The following MRC1 variants were observed in gnomAD, a reference collection of about 807,000 sequenced individuals.
MRC1 encodes the protein macrophage mannose receptor 1.
In MRC1, 62 loss-of-function variants were observed where a neutral mutation model predicts 102.9. The ratio of observed to expected loss-of-function variants is 0.60; its 90% CI spans 0.49 to 0.74. The LOEUF (loss-of-function observed/expected upper bound fraction) is 0.74. Among genes scored for constraint, MRC1 ranks in the 30% least tolerant of loss-of-function variants. MRC1 has a pLI of 0.00. For missense variants in MRC1, 1,237 were observed against 862.8 expected (o/e 1.43, Z -5.43); for synonymous variants, 457 against 298.4 (o/e 1.53, Z -5.48).
At chr10:17,877,083 G>A (rs1833446998) in intron 17 of MRC1, among the ~76,000 whole-genome samples, 1 of 149,238 alleles carries the variant, frequency 6.7e-6, no homozygotes, top group African/African-American at 2.4e-5. Context: ...TATATATTAT[G>A]TATATATATG....
At chr10:17,878,202 T>C (rs1833463308) in intron 18 of MRC1, among the ~76,000 whole-genome samples, 1 of 152,248 alleles carries the variant, frequency 6.6e-6, no homozygotes, top group Non-Finnish European at 1.5e-5. Context: ...TACACTTTTC[T>C]TTGTTTTCAG....
chr10:17,878,138 C>T (rs1315817743), intron 18 of MRC1, among the ~76,000 whole-genome samples, 171 bp downstream of exon 18: 1 of 152,154 alleles, frequency 6.6e-6, no homozygotes, highest in African/African-American at 2.4e-5. Context: ...TAAATATTTT[C>T]AGCACTATAA....
At chr10:17,855,815 T>C (rs936598348) in intron 8 of MRC1, among the ~76,000 whole-genome samples, 8 of 152,264 alleles carry the variant, frequency 5.3e-5, no homozygotes, top group Admixed American at 5.2e-4. Context: ...CCGTTTTCTC[T>C]CAATAACCTT....
rs1833215508 is a variant in MRC1 at position 17,863,517 on chromosome 10, A to G, written c.1635-17A>G. The G allele has an allele frequency of 9.0e-6, 7 of 780,304 alleles. No homozygotes were observed. The highest frequency in any genetic ancestry group is 6.7e-5 in the South Asian group (5 of 74,384). The allele number at this position is 780,304 out of a possible 1,614,324, so 48.3% of individuals were successfully genotyped here. A position where few individuals can be genotyped will look rare whatever the true frequency, so the allele number is the denominator to read the frequency against. On this transcript the variant is annotated splice_polypyrimidine_tract_variant and intron_variant, in intron 10 of 29. Transcript: ENST00000569591. ...TGTTTCAAAAACTTAATTGAATGTTAATTCTTCTTTTTAAAGATATGAACA... is the reference window on the plus strand; with the variant it reads ...TGTTTCAAAAACTTAATTGAATGTTGATTCTTCTTTTTAAAGATATGAACA...
At chr10:17,831,055 A>ATTTTT (rs34705004) in intron 3 of MRC1, among the ~76,000 whole-genome samples, 1 of 141,928 alleles carries the variant, frequency 7.0e-6, no homozygotes, top group African/African-American at 2.7e-5. Flanking sequence ...TACCTGGGTA[A>ATTTTT]TTTTTTTTTT....
At chr10:17,901,614 G>A (rs1428403453) in intron 25 of MRC1, among the ~76,000 whole-genome samples, 7 of 152,090 alleles carry the variant, frequency 4.6e-5, no homozygotes, top group African/African-American at 7.2e-5. Context: ...ACTTGAATCC[G>A]GGAGGCAGAG....
At chr10:17,846,171 G>C (rs1010253405) in intron 6 of MRC1, among the ~76,000 whole-genome samples, 6 of 151,918 alleles carry the variant, frequency 3.9e-5, no homozygotes, top group African/African-American at 1.5e-4. Context: ...GCCTCCCAAA[G>C]TGCTGGGATT....
chr10:17,889,075 T>TC (rs1833639366), intron 22 of MRC1, among the ~76,000 whole-genome samples: 1 of 152,246 alleles, frequency 6.6e-6, no homozygotes, highest in African/African-American at 2.4e-5. Context: ...CTGAAATTAA[T>TC]ATAGCTGGTC....
In MRC1 at chr10:17,862,773, A is replaced by C. The variant is rs977699386; in HGVS notation, c.1635-761A>C. The C allele has an allele frequency of 4.6e-5, 7 of 152,318 alleles. No homozygotes were observed. In the East Asian group the frequency reaches 1.4e-3, roughly 29 times the overall value. The allele number at this position is 152,318 out of a possible 1,614,324, so 9.4% of individuals were successfully genotyped here. On this transcript the variant is annotated intron_variant, in intron 10 of 29. Transcript: ENST00000569591. The stretch of plus-strand genomic sequence containing the variant: ...TCCTGCTCTCTCTGAAGTCATCTAC[A>C]ACTCTCTCCGTTTCTGGAAACTTCG...
chr10:17,865,699 C>CTAT (rs1490046764), intron 11 of MRC1, among the ~76,000 whole-genome samples: 1 of 152,170 alleles, frequency 6.6e-6, no homozygotes, highest in Non-Finnish European at 1.5e-5. Context: ...CTGTAGTCAT[C>CTAT]TATTCCACAG....
At chr10:17,814,809 C>T (rs1003967008) in intron 1 of MRC1, among the ~76,000 whole-genome samples, 12 of 149,472 alleles carry the variant, frequency 8.0e-5, no homozygotes, top group East Asian at 4.0e-4. Context: ...GGATTATAGG[C>T]GTGCACCACC....
intron 28 of MRC1, among the ~76,000 whole-genome samples, chr10:17,908,354 AACCTCC>A (rs1159328637): frequency 6.6e-6 from 1 of 152,258 alleles, no homozygotes; most frequent in East Asian, 1.9e-4. Context: ...GGCTCACTGC[AACCTCC>A]ACCTCCTGGG....
At chr10:17,858,022 G>A (rs907001133) in intron 9 of MRC1, among the ~76,000 whole-genome samples, 65,000 of 151,886 alleles carry the variant, frequency 0.43, 14,782 homozygotes, top group East Asian at 0.6. Flanking sequence ...CAAATTATAA[G>A]ATATACCACC....
intron 1 of MRC1, among the ~76,000 whole-genome samples, chr10:17,819,682 C>G (rs1265695971): frequency 1.3e-5 from 2 of 152,076 alleles, no homozygotes; most frequent in African/African-American, 4.8e-5. Context: ...GTGGCCCATG[C>G]CTGTAATCTC....
At chr10:17,886,284 C>G (rs1589191761) in intron 22 of MRC1, among the ~76,000 whole-genome samples, 1 of 51,828 alleles carries the variant, frequency 1.9e-5, no homozygotes, top group African/African-American at 8.9e-5. Flanking sequence ...TGGGTGTTTT[C>G]TTCCTTCCTT....
chr10:17,815,728 G>A (rs1838300604), intron 1 of MRC1, among the ~76,000 whole-genome samples: 1 of 152,146 alleles, frequency 6.6e-6, no homozygotes, highest in African/African-American at 2.4e-5. Flanking sequence ...ACCTAAATCA[G>A]TAGTTTCCCT....
chr10:17,906,684 A>G (rs1833900197), intron 26 of MRC1, among the ~76,000 whole-genome samples: 1 of 152,186 alleles, frequency 6.6e-6, no homozygotes, highest in African/African-American at 2.4e-5. Flanking sequence ...CTTGTACTCA[A>G]ATGATGCTAA....
chr10:17,861,593 G>A (rs1050017042), intron 10 of MRC1, 91 bp downstream of exon 10: 1 of 730,268 alleles, frequency 1.4e-6, no homozygotes, highest in African/African-American at 1.8e-5. Context: ...AAATTTCTGA[G>A]TATGTGTGAT....
intron 18 of MRC1, among the ~76,000 whole-genome samples, chr10:17,878,459 T>C (rs1833467340): frequency 6.6e-6 from 1 of 152,150 alleles, no homozygotes; most frequent in African/African-American, 2.4e-5. Context: ...TTCTATTAGA[T>C]ATAGGAGCCA....
Sources: allele counts gnomAD v4.1 joint callset (sites outside exome capture counted in the v4.1 genomes callset), GRCh38; gene constraint gnomAD v4.1.1; transcripts MANE v1.5; gene names NCBI Gene and HGNC (gene_info 2026-07-23, HGNC 2026-07-21).